Variants in PPP1R9A observed in about 807,000 individuals in gnomAD.
PPP1R9A encodes the protein protein phosphatase 1 regulatory subunit 9A, also known as neurabin-1.
In PPP1R9A, 59 loss-of-function variants were observed where a neutral mutation model predicts 141.9. The observed-to-expected ratio is 0.42, with a 90% CI of 0.34 to 0.52. The LOEUF is 0.52. PPP1R9A is among the 20% of genes least tolerant of loss of function. PPP1R9A has a pLI of 0.10. For synonymous variants in PPP1R9A, 500 were observed against 569.7 expected (o/e 0.88, Z 1.74); for missense variants, 1,444 against 1,611.9 (o/e 0.90, Z 1.78).
At chr7:95,001,187 T>C (rs1802868618) in intron 2 of PPP1R9A, among the ~76,000 whole-genome samples, 1 of 152,168 alleles carries the variant, frequency 6.6e-6, no homozygotes, top group Non-Finnish European at 1.5e-5. Flanking sequence ...GGAGGTATAC[T>C]TGTATTTGAA....
intron 2 of PPP1R9A, among the ~76,000 whole-genome samples, chr7:94,972,146 A>G (rs1798920305): frequency 6.6e-6 from 1 of 152,204 alleles, no homozygotes; most frequent in African/African-American, 2.4e-5. Flanking sequence ...TTAATTCATA[A>G]AAGCAGTTGT....
intron 11 of PPP1R9A, 22 bp from the exon 12 acceptor site, chr7:95,251,937 T>C: frequency 6.2e-7 from 1 of 1,606,336 alleles, no homozygotes; most frequent in Non-Finnish European, 8.5e-7. Context: ...TAGAGTTTTA[T>C]AAATGGATTT....
At chr7:95,194,765 A>AT (rs1470648339) in intron 5 of PPP1R9A, among the ~76,000 whole-genome samples, 11 of 151,856 alleles carry the variant, frequency 7.2e-5, no homozygotes, top group African/African-American at 2.4e-4. Flanking sequence ...TTTAACAAAC[A>AT]TTTTTTAAGA....
chr7:95,036,637 C>G (rs1808459671), intron 2 of PPP1R9A: 1 of 152,190 alleles, frequency 6.6e-6, no homozygotes, highest in South Asian at 2.1e-4. Context: ...AAAAGCACTG[C>G]TAACACCTTG....
chr7:95,195,838 G>A (rs2152847030), intron 5 of PPP1R9A, among the ~76,000 whole-genome samples: 1 of 152,110 alleles, frequency 6.6e-6, no homozygotes, highest in Non-Finnish European at 1.5e-5. Context: ...ATCACTTGAG[G>A]CCAAGAGTTC....
chr7:94,908,998 G>T lies in PPP1R9A; in HGVS notation c.-216-900G>T, dbSNP rs563036733. 2.6e-5 allele frequency among the ~76,000 whole-genome samples: 4 copies of T among 152,290 alleles called. 1 individual carries two copies. In the South Asian group the frequency reaches 8.3e-4, roughly 32 times the overall value. On this transcript the variant is annotated intron_variant, in intron 1 of 19. Transcript: ENST00000433360. The stretch of plus-strand genomic sequence containing the variant: ...AAAAATCTTTAGAACTGCCTGCATT[G>T]TCTGCTCCTCAGCATATCTTGAAGT...
At chr7:95,230,927 A>C (rs934764091) in intron 8 of PPP1R9A, among the ~76,000 whole-genome samples, 1 of 152,214 alleles carries the variant, frequency 6.6e-6, no homozygotes, top group African/African-American at 2.4e-5. Context: ...ATTGAATGTA[A>C]ATGGCCTAAA....
intron 2 of PPP1R9A, among the ~76,000 whole-genome samples, chr7:94,988,212 A>G (rs1801083741): frequency 1.3e-5 from 2 of 152,136 alleles, no homozygotes; most frequent in African/African-American, 4.8e-5. Flanking sequence ...TAACCCAAAT[A>G]TGTGTATATT....
rs1281119394 is a variant in PPP1R9A at position 95,111,283 on chromosome 7, G to T, written c.1420G>T (p.Asp474Tyr). ...IKVFNTYSNE[D>Y]YDRRNDEVDP... ...GGTTTTCAACACATACTCCAATGAA[G>T]ACTATGACAGGAGAAATGACGAAGT... The change falls in exon 3 of 20, where the codon GAC becomes TAC. Residue 474 changes from aspartate (D) to tyrosine (Y), a missense_variant. Around this residue, in one of 5 missense-constraint regions of PPP1R9A, gnomAD observed 488 missense variants for 542.0 expected, o/e 0.90. Coordinates refer to ENST00000433360, the MANE Select transcript of PPP1R9A (RefSeq NM_001166160.2). 6.8e-6 allele frequency: 11 copies of T among 1,611,468 alleles called. No individual in the cohort carries two copies. The highest frequency in any genetic ancestry group is 9.3e-6 in the Non-Finnish European group (11 of 1,178,752).
At position 95,096,580 on chromosome 7, in the gene PPP1R9A, A is replaced by C. The variant is rs138990576; in HGVS notation, c.1396-14679A>C. Among the ~76,000 whole-genome samples the C allele has an allele frequency of 3.8e-3, 578 of 152,218 alleles. 6 individuals are homozygous for C. The highest frequency in any genetic ancestry group is 0.013 in the African/African-American group (546 of 41,520). On this transcript the variant is annotated intron_variant, in intron 2 of 19. Transcript: ENST00000433360. ...TTTCTTTTTAGTGCTGGTTCTCTCTAATCTTCTTTGTAAACTCCCATTCTC... is the reference window on the plus strand; with the variant it reads ...TTTCTTTTTAGTGCTGGTTCTCTCTCATCTTCTTTGTAAACTCCCATTCTC...
intron 2 of PPP1R9A, among the ~76,000 whole-genome samples, chr7:95,045,487 C>G (rs770324074): frequency 2.6e-5 from 4 of 152,208 alleles, no homozygotes; most frequent in Non-Finnish European, 5.9e-5. Context: ...TGTACACATG[C>G]TCACTTGAGG....
chr7:95,188,223 T>C (rs1834929389), intron 5 of PPP1R9A, among the ~76,000 whole-genome samples: 1 of 152,244 alleles, frequency 6.6e-6, no homozygotes. Context: ...AGTCCTTTCA[T>C]CATTGTATGA....
chr7:94,962,718 G>A (rs1003806007), intron 2 of PPP1R9A, among the ~76,000 whole-genome samples: 2 of 151,976 alleles, frequency 1.3e-5, no homozygotes, highest in African/African-American at 2.4e-5. Context: ...ATTAATATAC[G>A]TGAAATGCAG....
At chr7:94,938,429 A>G (rs1281160529) in intron 2 of PPP1R9A, among the ~76,000 whole-genome samples, 1 of 152,072 alleles carries the variant, frequency 6.6e-6, no homozygotes, top group Non-Finnish European at 1.5e-5. Context: ...TGCCATTCAG[A>G]CATACCTGAT....
chr7:95,031,252 G>A (rs893634642), intron 2 of PPP1R9A, among the ~76,000 whole-genome samples: 29 of 152,242 alleles, frequency 1.9e-4, no homozygotes, highest in African/African-American at 6.7e-4. Flanking sequence ...CCTAACGTTG[G>A]CAGCTGAATG....
intron 2 of PPP1R9A, among the ~76,000 whole-genome samples, chr7:94,920,551 T>C (rs1242262680): frequency 6.6e-6 from 1 of 152,156 alleles, no homozygotes; most frequent in South Asian, 2.1e-4. Flanking sequence ...ATTTGTGGAG[T>C]TAAAACTGTT....
chr7:95,147,907 A>T (rs564647802), intron 4 of PPP1R9A, among the ~76,000 whole-genome samples: 1 of 152,128 alleles, frequency 6.6e-6, no homozygotes, highest in Non-Finnish European at 1.5e-5. Flanking sequence ...CCAGTATTTT[A>T]TTGAGGATTT....
rs780660007 is a variant in PPP1R9A, at chr7:95,294,121, G to A, written c.*3818G>A. 2 of 152,118 alleles carry A rather than the reference G, an allele frequency of 1.3e-5. No individual in the cohort carries two copies. The highest frequency in any genetic ancestry group is 6.5e-5 in the Admixed American group (1 of 15,276). 9.4% of individuals were successfully genotyped at this position (152,118 alleles called of 1,614,324 possible). On this transcript the variant is annotated 3_prime_UTR_variant, in exon 20 of 20. Transcript: ENST00000433360. ...ACCTACTTAATGCAAAGACCTTAGT[G>A]GTCTCAGAATGAAAAGGTAAAATGG...
chr7:94,919,955 T>G (rs554109986), intron 2 of PPP1R9A, among the ~76,000 whole-genome samples: 5 of 152,194 alleles, frequency 3.3e-5, no homozygotes, highest in Non-Finnish European at 7.3e-5. Flanking sequence ...GTTTCTCGGC[T>G]TTACCATCCT....
Sources: allele counts gnomAD v4.1 joint callset (sites outside exome capture counted in the v4.1 genomes callset), GRCh38; gene constraint gnomAD v4.1.1; regional missense constraint gnomAD v4.1.1; transcripts MANE v1.5; gene names NCBI Gene and HGNC (gene_info 2026-07-23, HGNC 2026-07-21).